Variants in CDC42SE2 observed in about 807,000 individuals in gnomAD.
CDC42SE2 encodes CDC42 small effector 2, also known as CDC42 small effector protein 2.
A neutral mutation model predicts 11.5 loss-of-function variants in CDC42SE2; 3 were observed. That is an observed-to-expected ratio of 0.26 (90% confidence interval 0.12 to 0.67). CDC42SE2 has a LOEUF of 0.67. Ranked by LOEUF, CDC42SE2 falls within the 30% of genes least tolerant of loss-of-function variation. CDC42SE2 has a pLI of 0.80. For synonymous variants in CDC42SE2, 33 were observed against 34.8 expected, an observed-to-expected ratio of 0.95 and a Z score of 0.18; for missense variants, 82 against 106.8, an observed-to-expected ratio of 0.77 and a Z score of 1.02.
intron 1 of CDC42SE2, among the ~76,000 whole-genome samples, chr5:131,248,782 A>G (rs1322583328): frequency 6.6e-6 from 1 of 152,306 alleles, no homozygotes; most frequent in East Asian, 1.9e-4. Flanking sequence ...GAAAATTATT[A>G]TAAAACGTTG....
rs569531733 is a variant in CDC42SE2 at position 131,274,810 on chromosome 5, T to C, written c.-455+10644T>C. On this transcript the variant is annotated intron_variant, in intron 1 of 4. Transcript: ENST00000505065. ...AAGCATAGTGTTGCTTTAGTGCTAG[T>C]AGGAATAGAGCTTCGTTTTATTCAC... Among the ~76,000 whole-genome samples the C allele has an allele frequency of 8.5e-5, 13 of 152,268 alleles. No homozygotes were observed. In the South Asian group the frequency reaches 2.5e-3, roughly 29 times the overall value.
At chr5:131,353,539 C>T (rs1346154973) in intron 2 of CDC42SE2, among the ~76,000 whole-genome samples, 1 of 152,178 alleles carries the variant, frequency 6.6e-6, no homozygotes, top group Non-Finnish European at 1.5e-5. Flanking sequence ...ACTTTAGCCT[C>T]CCAAAGTGCT....
At chr5:131,312,475 G>C (rs1757942915) in intron 1 of CDC42SE2, among the ~76,000 whole-genome samples, 1 of 152,186 alleles carries the variant, frequency 6.6e-6, no homozygotes, top group South Asian at 2.1e-4. Context: ...CACCCAGTTT[G>C]AGCTTCCAGG....
At chr5:131,321,371 C>T (rs1758183081) in intron 2 of CDC42SE2, among the ~76,000 whole-genome samples, 1 of 152,072 alleles carries the variant, frequency 6.6e-6, no homozygotes, top group African/African-American at 2.4e-5. Context: ...TTAAAAGTTA[C>T]TGATATTAGC....
chr5:131,216,359 G>A, the CDC42SE2 span, among the ~76,000 whole-genome samples: 1 of 151,794 alleles, frequency 6.6e-6, no homozygotes, highest in South Asian at 2.1e-4. Context: ...AATATTAGCC[G>A]GGCATGGTGG....
intron 2 of CDC42SE2, among the ~76,000 whole-genome samples, chr5:131,353,963 G>A (rs556098096): frequency 2.6e-5 from 4 of 152,068 alleles, no homozygotes; most frequent in African/African-American, 9.6e-5. Context: ...ATAGTGGCCA[G>A]GCATTGTGGC....
intron 1 of CDC42SE2, among the ~76,000 whole-genome samples, chr5:131,313,320 C>G (rs555007292): frequency 2.6e-5 from 4 of 152,198 alleles, no homozygotes; most frequent in African/African-American, 9.6e-5. Context: ...CCTTTTATTT[C>G]TGAGGCTTAT....
At chr5:131,288,354 AG>A (rs773525388) in intron 1 of CDC42SE2, among the ~76,000 whole-genome samples, 41 of 152,214 alleles carry the variant, frequency 2.7e-4, no homozygotes, top group Non-Finnish European at 4.6e-4. Flanking sequence ...TGAGAATGCT[AG>A]AAGATACTTA....
At chr5:131,379,708 G>A (rs1198321719) in intron 3 of CDC42SE2, among the ~76,000 whole-genome samples, 12 of 152,116 alleles carry the variant, frequency 7.9e-5, no homozygotes, top group Non-Finnish European at 5.9e-5. Context: ...TTCACCTTAT[G>A]CAGAATAAAA....
intron 3 of CDC42SE2, among the ~76,000 whole-genome samples, chr5:131,378,610 C>T (rs1011606671): frequency 3.3e-4 from 50 of 152,090 alleles, no homozygotes; most frequent in Middle Eastern, 3.2e-3. Context: ...GTACAAACAA[C>T]TTAGTAAAGA....
intron 1 of CDC42SE2, among the ~76,000 whole-genome samples, chr5:131,284,926 G>A (rs1757310593): frequency 1.3e-5 from 2 of 152,032 alleles, no homozygotes; most frequent in South Asian, 4.1e-4. Context: ...AGGCTGAGGT[G>A]AGAGGATTGC....
At chr5:131,343,762 A>G (rs558494943) in intron 2 of CDC42SE2, among the ~76,000 whole-genome samples, 1 of 151,936 alleles carries the variant, frequency 6.6e-6, no homozygotes, top group East Asian at 1.9e-4. Flanking sequence ...AGAGAGAAAT[A>G]AAGAAGAAGA....
intron 1 of CDC42SE2, among the ~76,000 whole-genome samples, chr5:131,276,281 C>CAAAA (rs59001427): frequency 6.7e-4 from 85 of 126,132 alleles, no homozygotes; most frequent in South Asian, 6.3e-3. Flanking sequence ...ACCCCATCTA[C>CAAAA]AAAAAAAAAA....
At chr5:131,260,865 C>T (rs1350311433), upstream of CDC42SE2, among the ~76,000 whole-genome samples, 1 of 151,944 alleles carries the variant, frequency 6.6e-6, no homozygotes, top group African/African-American at 2.4e-5. Context: ...ACCTGGGAGG[C>T]AGAGGTTGCA....
the CDC42SE2 span, among the ~76,000 whole-genome samples, chr5:131,218,061 A>G: frequency 6.6e-6 from 1 of 151,896 alleles, no homozygotes; most frequent in East Asian, 1.9e-4. Flanking sequence ...CTGTAGTCCC[A>G]GCTACTTGGG....
intron 4 of CDC42SE2, 70 bp downstream of exon 4, chr5:131,385,714 CA>C (rs1310825229): frequency 1.6e-5 from 14 of 883,188 alleles, no homozygotes; most frequent in Middle Eastern, 2.2e-4. Flanking sequence ...GTGACAGGCA[CA>C]AGCATTTTTA....
intron 3 of CDC42SE2, among the ~76,000 whole-genome samples, chr5:131,378,943 A>G (rs1334384844): frequency 2.6e-5 from 4 of 152,356 alleles, no homozygotes; most frequent in Admixed American, 6.5e-5. Flanking sequence ...TGTCAAACAC[A>G]CATTGAGCCT....
At chr5:131,246,673 G>A (rs1756595655) in intron 1 of CDC42SE2, among the ~76,000 whole-genome samples, 1 of 151,736 alleles carries the variant, frequency 6.6e-6, no homozygotes, top group African/African-American at 2.4e-5. Context: ...TTTCAGGGTG[G>A]GTGAGGGTCC....
chr5:131,298,540 C>T (rs1486719686), intron 1 of CDC42SE2, among the ~76,000 whole-genome samples: 1 of 151,706 alleles, frequency 6.6e-6, no homozygotes, highest in East Asian at 1.9e-4. Flanking sequence ...TGATACTTAA[C>T]CTCTAGTGAC....
Sources: gnomAD v4.1 joint callset for allele counts (sites outside exome capture counted in the v4.1 genomes callset) on GRCh38, gnomAD v4.1.1 for gene constraint, MANE v1.5 for transcripts, NCBI Gene and HGNC (gene_info 2026-07-23, HGNC 2026-07-21) for gene names.